IL23R: variants seen among roughly 807,000 people sequenced by gnomAD.
The protein encoded by IL23R is interleukin 23 receptor, also known as interleukin-23 receptor.
Under a neutral mutation model 56.9 loss-of-function variants are expected in IL23R, and 34 were observed. The observed-to-expected ratio is 0.60, with a 90% CI of 0.45 to 0.80. The LOEUF is 0.80. IL23R is among the 30% of genes least tolerant of loss of function. IL23R has a pLI of 0.00. For synonymous variants in IL23R, 230 were observed against 249.2 expected (o/e 0.92, Z 0.73); for missense variants, 635 against 730.0 (o/e 0.87, Z 1.50).
At chr1:67,142,817 C>T (rs1646650215) in intron 1 of IL23R, among the ~76,000 whole-genome samples, 1 of 152,212 alleles carries the variant, frequency 6.6e-6, no homozygotes, top group Non-Finnish European at 1.5e-5. Flanking sequence ...ATCCACCCAC[C>T]TTGGCCTCCC....
At chr1:67,254,937 A>T (rs1356357820) in intron 9 of IL23R, among the ~76,000 whole-genome samples, 1 of 152,162 alleles carries the variant, frequency 6.6e-6, no homozygotes, top group Non-Finnish European at 1.5e-5. Context: ...AAATAAGCAC[A>T]TGGTCTAGGT....
chr1:67,218,350 G>GTATATA (rs1224249825), intron 6 of IL23R, among the ~76,000 whole-genome samples: 13 of 137,290 alleles, frequency 9.5e-5, no homozygotes, highest in African/African-American at 3.8e-4. Context: ...GTGTGTGTGT[G>GTATATA]TGTGTGTGTA....
intron 8 of IL23R, among the ~76,000 whole-genome samples, chr1:67,238,368 GA>G (rs1651629545): frequency 6.7e-6 from 1 of 149,478 alleles, no homozygotes; most frequent in South Asian, 2.1e-4. Context: ...GGAAAAAGAA[GA>G]AAAAGAAAAA....
At chr1:67,182,543 C>T (rs1480160287) in intron 3 of IL23R, among the ~76,000 whole-genome samples, 1 of 152,276 alleles carries the variant, frequency 6.6e-6, no homozygotes, top group Admixed American at 6.5e-5. Flanking sequence ...TCACCCCTTT[C>T]CTTGGCTAGG....
intron 7 of IL23R, among the ~76,000 whole-genome samples, chr1:67,235,538 C>A (rs1651418478): frequency 2.0e-5 from 3 of 151,986 alleles, no homozygotes; most frequent in Admixed American, 6.6e-5. Context: ...GTATTACAGG[C>A]ACGCACCACC....
chr1:67,218,258 T>C (rs1261446822), intron 6 of IL23R, among the ~76,000 whole-genome samples: 1 of 112,466 alleles, frequency 8.9e-6, no homozygotes, highest in Non-Finnish European at 1.7e-5. Flanking sequence ...TTAATTTTTC[T>C]CTGACACATA....
chr1:67,225,014 T>C (rs1281750012), intron 7 of IL23R, among the ~76,000 whole-genome samples: 1 of 152,184 alleles, frequency 6.6e-6, no homozygotes, highest in East Asian at 1.9e-4. Flanking sequence ...TGGTAAACAG[T>C]AGAGCCAGGG....
At chr1:67,174,681 CT>C (rs1646986344) in intron 3 of IL23R, among the ~76,000 whole-genome samples, 1 of 152,026 alleles carries the variant, frequency 6.6e-6, no homozygotes, top group South Asian at 2.1e-4. Context: ...TTAAAAAAAT[CT>C]TAATCTTATT....
chr1:67,200,358 C>A (rs1382053534), intron 4 of IL23R, among the ~76,000 whole-genome samples: 1 of 151,224 alleles, frequency 6.6e-6, no homozygotes, highest in Non-Finnish European at 1.5e-5. Flanking sequence ...AAAAAGGTAA[C>A]ATTTTAAAAA....
chr1:67,204,461 A>G lies in IL23R; in HGVS notation c.653-2449A>G, dbSNP rs191066227. ...ATAATAAATGCCAGTTTGCAAAAAT[A>G]TGAACTCATTCAAACTTAAAGACTT... On this transcript the variant is annotated intron_variant, in intron 5 of 10. Transcript: ENST00000347310. Among the ~76,000 whole-genome samples the G allele has an allele frequency of 2.6e-5, 4 of 152,390 alleles. No individual in the cohort carries two copies. The East Asian group carries it at 5.8e-4, about 22-fold the overall frequency.
At chr1:67,261,384 G>T (rs1303298259), downstream of IL23R, among the ~76,000 whole-genome samples, 13 of 112,390 alleles carry the variant, frequency 1.2e-4, no homozygotes, top group Admixed American at 1.9e-4. Flanking sequence ...AGGCCATTTT[G>T]CTCCAAAAGG....
At chr1:67,196,690 C>T (rs1342396162) in intron 4 of IL23R, among the ~76,000 whole-genome samples, 1 of 152,036 alleles carries the variant, frequency 6.6e-6, no homozygotes, top group Non-Finnish European at 1.5e-5. Flanking sequence ...AAGTCATAAA[C>T]CAAACAGGTA....
At chr1:67,185,285 T>C (rs1647262821) in intron 4 of IL23R, among the ~76,000 whole-genome samples, 1 of 152,210 alleles carries the variant, frequency 6.6e-6, no homozygotes, top group South Asian at 2.1e-4. Context: ...GTTGCCTGAC[T>C]GTCTTCTCAA....
intron 3 of IL23R, among the ~76,000 whole-genome samples, chr1:67,176,537 T>C (rs1019748844): frequency 2.6e-5 from 4 of 152,186 alleles, no homozygotes; most frequent in Non-Finnish European, 4.4e-5. Flanking sequence ...CAGTGAAAAG[T>C]TGATAAGTTT....
chr1:67,147,144 T>C (rs1646686847), intron 1 of IL23R, among the ~76,000 whole-genome samples: 1 of 151,860 alleles, frequency 6.6e-6, no homozygotes, highest in Non-Finnish European at 1.5e-5. Flanking sequence ...GAGGAGACAA[T>C]GAGGCCCAAA....
chr1:67,247,654 T>A (rs1652328432), intron 9 of IL23R, among the ~76,000 whole-genome samples: 1 of 152,218 alleles, frequency 6.6e-6, no homozygotes, highest in African/African-American at 2.4e-5. Flanking sequence ...TTTGATCTTG[T>A]CATTATGATG....
In IL23R at chr1:67,141,811, G is replaced by T. The variant is rs191369856; in HGVS notation, c.-634+2650G>T. On this transcript the variant is annotated intron_variant, in intron 1 of 10. Transcript: ENST00000637002. ...GAGGAGGAATTATTTAATTATTTAG[G>T]TGCACGGACCCAGTCGATTAACATC... Among the ~76,000 whole-genome samples the T allele has an allele frequency of 1.9e-3, 282 of 152,148 alleles. 2 individuals carry two copies. Among genetic ancestry groups the T allele is most frequent in the Non-Finnish European group, 3.6e-3 (246 of 68,004 alleles).
intron 7 of IL23R, among the ~76,000 whole-genome samples, chr1:67,227,661 A>G (rs1229028937): frequency 2.0e-5 from 3 of 152,242 alleles, no homozygotes; most frequent in Non-Finnish European, 4.4e-5. Flanking sequence ...ATGATGGCAC[A>G]CAGAATGTAT....
intron 4 of IL23R, among the ~76,000 whole-genome samples, chr1:67,189,638 T>C (rs1203787375): frequency 1.3e-5 from 2 of 152,128 alleles, no homozygotes; most frequent in African/African-American, 4.8e-5. Flanking sequence ...AACAAACTAA[T>C]GAGTTGAAAA....
Sources: allele counts gnomAD v4.1 joint callset (sites outside exome capture counted in the v4.1 genomes callset), GRCh38; gene constraint gnomAD v4.1.1; transcripts MANE v1.5; gene names NCBI Gene and HGNC (gene_info 2026-07-23, HGNC 2026-07-21).